CUBN: variants seen among roughly 807,000 people sequenced by gnomAD.
CUBN encodes the protein 460 kDa receptor.
A neutral mutation model predicts 405.3 loss-of-function variants in CUBN; 282 were observed. The ratio of observed to expected loss-of-function variants is 0.70; its 90% CI spans 0.63 to 0.77. CUBN has a LOEUF of 0.77. Among genes scored for constraint, CUBN ranks in the 30% least tolerant of loss-of-function variants. The probability of loss-of-function intolerance (pLI) is 0.00; values close to 1 mark genes in which losing one functional copy is unlikely to be tolerated. For synonymous variants in CUBN, 1,684 were observed against 1,617.0 expected (o/e 1.04, Z -0.99); for missense variants, 4,514 against 4,475.2 (o/e 1.01, Z -0.25).
chr10:16,903,602 AATT>A (rs1841463096), intron 51 of CUBN, among the ~76,000 whole-genome samples: 2 of 148,828 alleles, frequency 1.3e-5, no homozygotes, highest in South Asian at 2.1e-4. Flanking sequence ...AATTTATAAT[AATT>A]ATGCAAATTA....
rs1838722891 is a variant in CUBN, at chr10:16,824,742, A to G, written c.*233T>C. 1.5e-5 allele frequency: 7 copies of G among 459,256 alleles called. No individual in the cohort carries two copies. The Admixed American group carries it at 2.0e-4, about 13-fold the overall frequency. The allele number at this position is 459,256 out of a possible 1,614,324, so 28.4% of individuals were successfully genotyped here. On this transcript the variant is annotated 3_prime_UTR_variant, in exon 67 of 67. Coordinates refer to ENST00000377833, the MANE Select transcript of CUBN (RefSeq NM_001081.4). ...ACCATGCTGGCCAGGCTAGTCTCAA[A>G]CTCCTGACCTCAGGTGATCAACCTG... is the stretch of plus-strand genomic sequence containing the variant.
chr10:17,073,923 A>G (rs1441783189), intron 17 of CUBN, among the ~76,000 whole-genome samples: 2 of 152,268 alleles, frequency 1.3e-5, no homozygotes, highest in East Asian at 3.9e-4. Context: ...CCTTAGCCAA[A>G]TGTTTGGTAA....
rs897230399 is a variant in CUBN at position 16,965,868 on chromosome 10, G to C, written c.4696-11320C>G. 14 of 435,648 alleles carry C rather than the reference G, an allele frequency of 3.2e-5. No homozygotes were observed. In the East Asian group the frequency reaches 5.2e-4, roughly 16 times the overall value. 27.0% of individuals were successfully genotyped at this position (435,648 alleles called of 1,614,324 possible). On this transcript the variant is annotated intron_variant, in intron 31 of 66. Coordinates refer to ENST00000377833, the MANE Select transcript of CUBN (RefSeq NM_001081.4). ...ATTCTTACAGTTCCACTTTGCAGCA[G>C]GGAAAACTGAGCTCTGAAAACATAC...
intron 58 of CUBN, among the ~76,000 whole-genome samples, chr10:16,870,205 T>C (rs572541629): frequency 6.6e-6 from 1 of 152,238 alleles, no homozygotes; most frequent in Admixed American, 6.5e-5. Context: ...AGCAATACTT[T>C]AGTTTTTTAG....
intron 8 of CUBN, among the ~76,000 whole-genome samples, chr10:17,112,195 CTTTGA>C (rs1387057009): frequency 6.6e-6 from 1 of 151,808 alleles, no homozygotes; most frequent in Non-Finnish European, 1.5e-5. Flanking sequence ...TATTCATATT[CTTTGA>C]TTTAAGTAGA....
chr10:16,875,635 T>C (rs987072456), intron 57 of CUBN, among the ~76,000 whole-genome samples: 1 of 152,214 alleles, frequency 6.6e-6, no homozygotes, highest in Non-Finnish European at 1.5e-5. Flanking sequence ...AGGGTAGCAA[T>C]CACTCCTTTT....
chr10:17,045,610 C>A (rs1295619669), intron 24 of CUBN, among the ~76,000 whole-genome samples: 1 of 152,054 alleles, frequency 6.6e-6, no homozygotes, highest in Non-Finnish European at 1.5e-5. Context: ...GTTTCAAACT[C>A]CTGACCTCAG....
intron 45 of CUBN, among the ~76,000 whole-genome samples, chr10:16,917,087 C>A (rs1241724690): frequency 6.6e-6 from 1 of 152,050 alleles, no homozygotes. Context: ...GCTAGGATTA[C>A]AAGCATGAGC....
chr10:16,955,191 C>T (rs1450694695), intron 31 of CUBN, among the ~76,000 whole-genome samples: 3 of 128,004 alleles, frequency 2.3e-5, no homozygotes, highest in African/African-American at 2.8e-5. Context: ...GCCAACATGG[C>T]GAGACCCCCG....
intron 64 of CUBN, among the ~76,000 whole-genome samples, chr10:16,834,087 G>A (rs1588569333): frequency 6.6e-6 from 1 of 152,154 alleles, no homozygotes; most frequent in Admixed American, 6.5e-5. Context: ...ATTTCCTAAG[G>A]ATGAATGCAT....
chr10:16,953,977 T>C (rs999633167), intron 32 of CUBN, among the ~76,000 whole-genome samples: 4 of 151,954 alleles, frequency 2.6e-5, no homozygotes, highest in Non-Finnish European at 4.4e-5. Context: ...GACTCCTCAG[T>C]TGGACAATGG....
chr10:17,071,962 C>T lies in CUBN; in HGVS notation c.2311G>A (p.Gly771Ser), dbSNP rs866820343. Residue 771 changes from glycine (G) to serine (S), a missense_variant, in exon 18 of 67, where the codon GGT (glycine) becomes AGT (serine). Physicochemically the swap from Gly to Ser is moderately conservative, Grantham distance 56 (BLOSUM62 0). Transcript: ENST00000377833. The stretch of plus-strand genomic sequence containing the variant: ...CAGACTTTTCCAAGTAAGGTTTCAC[C>T]ATCTCGAACCTAAAGAGAAAAATAA... ...SSQNYIEVRDGETLLGKVCGN... is the reference protein window; with the variant it reads ...SSQNYIEVRDSETLLGKVCGN... 8 of 1,611,652 alleles carry T rather than the reference C, an allele frequency of 5.0e-6. No individual in the cohort carries two copies. The highest frequency in any genetic ancestry group is 5.9e-6 in the Non-Finnish European group (7 of 1,178,966).
intron 26 of CUBN, among the ~76,000 whole-genome samples, chr10:17,043,620 C>T (rs1036016861): frequency 8.5e-5 from 13 of 152,156 alleles, no homozygotes; most frequent in African/African-American, 2.2e-4. Flanking sequence ...TGGAGTTAAA[C>T]GATTCACAGA....
chr10:17,009,492 C>T (rs1013892764), intron 28 of CUBN, among the ~76,000 whole-genome samples: 3 of 152,220 alleles, frequency 2.0e-5, no homozygotes, highest in Non-Finnish European at 2.9e-5. Flanking sequence ...CTGCCATGAC[C>T]GTTCAATCAA....
chr10:16,920,787 G>A (rs1438057225), intron 43 of CUBN, among the ~76,000 whole-genome samples: 1 of 152,080 alleles, frequency 6.6e-6, no homozygotes, highest in South Asian at 2.1e-4. Context: ...AAACCAGATA[G>A]GAGTAAAAGT....
chr10:16,900,315 G>A (rs900212993), intron 53 of CUBN, among the ~76,000 whole-genome samples: 2 of 152,228 alleles, frequency 1.3e-5, no homozygotes, highest in East Asian at 1.9e-4. Context: ...TTTTGCCGAT[G>A]AAGGCAGCAT....
rs1233350716 is a variant in CUBN at position 16,987,867 on chromosome 10, AG to A, written c.4350+2466del. On this transcript the variant is annotated intron_variant, in intron 29 of 66. Transcript: ENST00000377833. Reference sequence around the variant, plus strand: ...CAGAGGGTTGCTCCTTTTAGCTTTCAGAAAAAAACTTTCCCCAAATATTTAA... The same window carrying A: ...CAGAGGGTTGCTCCTTTTAGCTTTCAAAAAAAACTTTCCCCAAATATTTAA... 2.6e-5 allele frequency among the ~76,000 whole-genome samples: 4 copies of A among 152,320 alleles called. No homozygotes were observed. In the South Asian group the frequency reaches 8.3e-4, roughly 32 times the overall value.
At chr10:16,922,280 C>T (rs960996353) in intron 43 of CUBN, among the ~76,000 whole-genome samples, 26 of 152,130 alleles carry the variant, frequency 1.7e-4, no homozygotes, top group Admixed American at 5.9e-4. Context: ...TCCCTTCCCT[C>T]CTGCCTCACA....
chr10:16,891,576 A>T (rs1564406485), intron 54 of CUBN, among the ~76,000 whole-genome samples: 2 of 152,286 alleles, frequency 1.3e-5, no homozygotes. Context: ...ACAATTCGGA[A>T]AATAGGAGTC....
Sources: allele counts gnomAD v4.1 joint callset (sites outside exome capture counted in the v4.1 genomes callset), GRCh38; gene constraint gnomAD v4.1.1; transcripts MANE v1.5; gene names NCBI Gene and HGNC (gene_info 2026-07-23, HGNC 2026-07-21).